The following FBXL18 variants were observed in gnomAD, a reference collection of about 807,000 sequenced individuals.
FBXL18 encodes the protein F-box and leucine rich repeat protein 18, also known as F-box/LRR-repeat protein 18.
A neutral mutation model predicts 46.0 loss-of-function variants in FBXL18; 36 were observed. The ratio of observed to expected loss-of-function variants is 0.78; its 90% CI spans 0.60 to 1.03. The LOEUF is 1.03. FBXL18 is among the 50% of genes least tolerant of loss of function. The pLI, the probability that FBXL18 is intolerant of heterozygous loss-of-function variation, is 0.00. For missense variants in FBXL18, 977 were observed against 1,004.1 expected (o/e 0.97, Z 0.36); for synonymous variants, 557 against 465.3 (o/e 1.20, Z -2.54).
At chr7:5,462,069 G>A (rs1262913887) in intron 4 of FBXL18, among the ~76,000 whole-genome samples, 2 of 151,906 alleles carry the variant, frequency 1.3e-5, no homozygotes, top group African/African-American at 2.4e-5. Context: ...GTGAAGCCCC[G>A]TCTACTAAAA....
At chr7:5,505,769 C>T in intron 1 of FBXL18, 139 bp from the exon 2 acceptor site, 1 of 665,314 alleles carries the variant, frequency 1.5e-6, no homozygotes, top group Non-Finnish European at 2.5e-6. Context: ...AACTGAATGA[C>T]AAAGAATTCA....
intron 4 of FBXL18, among the ~76,000 whole-genome samples, chr7:5,463,513 G>T (rs1783287776): frequency 6.6e-6 from 1 of 151,464 alleles, no homozygotes; most frequent in African/African-American, 2.4e-5. Flanking sequence ...CAGCTACTTG[G>T]GAGGCTGAGG....
chr7:5,467,685 C>T (rs1783363224), intron 4 of FBXL18, among the ~76,000 whole-genome samples: 1 of 152,182 alleles, frequency 6.6e-6, no homozygotes, highest in Non-Finnish European at 1.5e-5. Flanking sequence ...ACAGCTCCGC[C>T]TCTGGGGTCC....
At chr7:5,470,030 G>A (rs1783403544) in intron 4 of FBXL18, among the ~76,000 whole-genome samples, 1 of 152,132 alleles carries the variant, frequency 6.6e-6, no homozygotes, top group Non-Finnish European at 1.5e-5. Context: ...CGTGGGCGTG[G>A]GGCCGTTGGA....
rs1158212970 is a variant in FBXL18 at position 5,496,928 on chromosome 7, G to T, written c.1781+3560C>A. 6.6e-6 allele frequency among the ~76,000 whole-genome samples: 1 copy of T among 151,740 alleles called. No individual in the cohort carries two copies. Among genetic ancestry groups the T allele is most frequent in the Non-Finnish European group, 1.5e-5 (1 of 67,958 alleles). ...CACCTGTAATCCCAGCTACTCTGGA[G>T]GCTGAGACAGGAGAATCGCTTGAAT... On this transcript the variant is annotated intron_variant, in intron 3 of 4. Transcript: ENST00000382368. The surrounding 1 kb of genome is among the most constrained non-coding windows in gnomAD (Gnocchi z 4.8).
chr7:5,464,683 A>AAAAAC (rs1783316107), intron 4 of FBXL18, among the ~76,000 whole-genome samples: 1 of 140,424 alleles, frequency 7.1e-6, no homozygotes, highest in Non-Finnish European at 1.5e-5. Flanking sequence ...AAAAAAAAAA[A>AAAAAC]CACTAAGATG....
intron 4 of FBXL18, among the ~76,000 whole-genome samples, 189 bp from the exon 5 acceptor site, chr7:5,482,120 T>C (rs577265638): frequency 6.6e-6 from 1 of 152,216 alleles, no homozygotes; most frequent in South Asian, 2.1e-4. Context: ...CAGACAGAGC[T>C]GGGGAGGAGC....
At chr7:5,505,925 C>T (rs569758074) in intron 1 of FBXL18, among the ~76,000 whole-genome samples, 148 of 152,288 alleles carry the variant, frequency 9.7e-4, no homozygotes, top group South Asian at 3.5e-3. Flanking sequence ...GAGTCAATGG[C>T]GTGATCTCGG....
intron 4 of FBXL18, among the ~76,000 whole-genome samples, chr7:5,483,014 G>A (rs1441930031): frequency 1.3e-5 from 2 of 151,236 alleles, no homozygotes; most frequent in Non-Finnish European, 2.9e-5. Context: ...CTCCAGCCTG[G>A]GCAACACAGT....
At chr7:5,467,546 C>CA (rs1257961042) in intron 4 of FBXL18, among the ~76,000 whole-genome samples, 1,314 of 119,214 alleles carry the variant, frequency 0.011, 11 homozygotes, top group South Asian at 0.036. Flanking sequence ...ACTCCGTCTC[C>CA]AAAAAAAAAA....
downstream of FBXL18, among the ~76,000 whole-genome samples, chr7:5,472,755 A>G (rs974262674): frequency 6.6e-6 from 1 of 152,108 alleles, no homozygotes; most frequent in East Asian, 1.9e-4. Flanking sequence ...GGCTCCAGAC[A>G]CCATGGAACA....
chr7:5,495,855 T>G, intron 3 of FBXL18: 1 of 481,498 alleles, frequency 2.1e-6, no homozygotes, highest in South Asian at 1.5e-5. Flanking sequence ...GCATTTGTTC[T>G]GAACAGGCAG....
At chr7:5,484,342 G>T (rs924149524) in intron 4 of FBXL18, among the ~76,000 whole-genome samples, 9 of 151,936 alleles carry the variant, frequency 5.9e-5, no homozygotes, top group African/African-American at 1.4e-4. Context: ...GTGGTGGTGG[G>T]CGCCTGTAGT....
At chr7:5,498,288 G>A (rs1391289633) in intron 3 of FBXL18, among the ~76,000 whole-genome samples, 2 of 152,000 alleles carry the variant, frequency 1.3e-5, no homozygotes, top group Admixed American at 6.5e-5. Context: ...GGGTTTCACC[G>A]TGTTAGCCAG....
intron 3 of FBXL18, among the ~76,000 whole-genome samples, chr7:5,499,108 T>G (rs1160689145): frequency 6.6e-6 from 1 of 152,154 alleles, no homozygotes; most frequent in Non-Finnish European, 1.5e-5. Flanking sequence ...CGCTCTGGGA[T>G]GGGTCCTGCT....
At chr7:5,502,819 T>C (rs1584238178) in intron 2 of FBXL18, among the ~76,000 whole-genome samples, 3 of 131,632 alleles carry the variant, frequency 2.3e-5, no homozygotes, top group African/African-American at 5.7e-5. Context: ...AGAGCAAGAC[T>C]CCATCTCAAA....
intron 4 of FBXL18, among the ~76,000 whole-genome samples, chr7:5,463,715 TA>T (rs1562672218): frequency 2.8e-5 from 2 of 70,840 alleles, no homozygotes; most frequent in African/African-American, 1.1e-4. Context: ...TTTATTTATT[TA>T]TTTATTTATT....
chr7:5,482,639 A>C (rs1306103661), intron 4 of FBXL18, among the ~76,000 whole-genome samples: 1 of 151,562 alleles, frequency 6.6e-6, no homozygotes, highest in Non-Finnish European at 1.5e-5. Context: ...CCTTCCCCAC[A>C]ACCCTACAAC....
rs546095844 is a variant in FBXL18 at position 5,493,530 on chromosome 7, C to T, written c.1782-2081G>A. 2.0e-5 allele frequency among the ~76,000 whole-genome samples: 3 copies of T among 152,260 alleles called. No homozygotes were observed. In the East Asian group the frequency reaches 5.9e-4, roughly 30 times the overall value. On this transcript the variant is annotated intron_variant, in intron 3 of 4. Coordinates refer to ENST00000382368, the MANE Select transcript of FBXL18 (RefSeq NM_024963.6). The stretch of plus-strand genomic sequence containing the variant: ...CAGGATGGTCTCAATCTCCTGACCA[C>T]TTGCTCCACCCGCCTCAGCCTCCCA...
Sources: gnomAD v4.1 joint callset for allele counts (sites outside exome capture counted in the v4.1 genomes callset) on GRCh38, gnomAD v4.1.1 for gene constraint, Gnocchi (gnomAD v3.1) non-coding constraint, MANE v1.5 for transcripts, NCBI Gene and HGNC (gene_info 2026-07-23, HGNC 2026-07-21) for gene names.